The following CLNS1A variants were observed in gnomAD, a reference collection of about 807,000 sequenced individuals.
CLNS1A encodes methylosome subunit pICln.
CLNS1A carries 16 observed loss-of-function variants against 29.4 expected under a neutral mutation model. That is an observed-to-expected ratio of 0.54 (90% CI 0.37 to 0.83). The LOEUF is 0.83. Among genes scored for constraint, CLNS1A ranks in the 40% least tolerant of loss-of-function variants. The pLI is 0.00. For missense variants in CLNS1A, 235 were observed against 287.4 expected (o/e 0.82, Z 1.32); for synonymous variants, 96 against 104.8 (o/e 0.92, Z 0.51).
chr11:77,625,039 G>A lies in CLNS1A; in HGVS notation c.396C>T (p.Cys132=). ...LEAMFTAMCE[C]QALHPDPEDE... ...CCTCAGGATCTGGATGCAAGGCCTG[G>A]CATTCGCACATTGCAGTGAACATTG... Residue 132 remains cysteine (C), a synonymous_variant, in exon 4 of 7, where the codon TGC becomes TGT. Coordinates refer to ENST00000525428, the MANE Select transcript of CLNS1A (RefSeq NM_001293.3). 1.2e-6 allele frequency: 2 copies of A among 1,613,518 alleles called. No individual in the cohort carries two copies. Among genetic ancestry groups the A allele is most frequent in the Non-Finnish European group, 1.7e-6 (2 of 1,179,626 alleles).
intron 4 of CLNS1A, among the ~76,000 whole-genome samples, chr11:77,624,516 C>T (rs1958995594): frequency 6.6e-6 from 1 of 152,060 alleles, no homozygotes; most frequent in African/African-American, 2.4e-5. Context: ...CCGTGTCATT[C>T]TATTTTAATA....
At position 77,615,524 on chromosome 11, in the gene CLNS1A, T is replaced by G. The variant is rs901703530; in HGVS notation, c.*1194A>C. The G allele has an allele frequency of 2.0e-5, 3 of 152,208 alleles. No homozygotes were observed. The highest frequency in any genetic ancestry group is 2.9e-5 in the Non-Finnish European group (2 of 68,036). The allele number at this position is 152,208 out of a possible 1,614,324, so 9.4% of individuals were successfully genotyped here. A position where few individuals can be genotyped will look rare whatever the true frequency, so the allele number is the denominator to read the frequency against. ...GTATCTCATAAGATAATTAAGAATA[T>G]TATAATACATAATAAAGAACTCAGG... On this transcript the variant is annotated 3_prime_UTR_variant, in exon 7 of 7. Coordinates refer to ENST00000525428, the MANE Select transcript of CLNS1A (RefSeq NM_001293.3).
rs759233793 is a variant in CLNS1A at position 77,619,675 on chromosome 11, T to G, written c.667A>C (p.Thr223Pro). 9 of 1,613,780 alleles carry G rather than the reference T, an allele frequency of 5.6e-6. No homozygotes were observed. In the South Asian group the frequency reaches 9.9e-5, roughly 18 times the overall value. Reference sequence around the variant, plus strand: ...TCAAACTGTCCAGCAACTGTTGGTGTGGTATCCACCTCCATCCCATCTAAA... The same window carrying G: ...TCAAACTGTCCAGCAACTGTTGGTGGGGTATCCACCTCCATCCCATCTAAA... ...DYEDGMEVDTTPTVAGQFEDA... is the reference protein window; with the variant it reads ...DYEDGMEVDTPPTVAGQFEDA... Residue 223 changes from threonine (T) to proline (P), a missense_variant, in exon 6 of 7, where the codon ACA becomes CCA. Transcript: ENST00000525428.
chr11:77,621,937 G>C, intron 5 of CLNS1A: 1 of 456,078 alleles, frequency 2.2e-6, no homozygotes, highest in South Asian at 1.5e-5. Context: ...ACTCTTCTCT[G>C]GGTCTCCAGT....
At chr11:77,627,676 C>T (rs1053074241) in intron 2 of CLNS1A, among the ~76,000 whole-genome samples, 2 of 152,134 alleles carry the variant, frequency 1.3e-5, no homozygotes, top group African/African-American at 4.8e-5. Flanking sequence ...AGAGCATTTG[C>T]ATTTTAAACA....
intron 2 of CLNS1A, 129 bp downstream of exon 2, chr11:77,629,634 T>C (rs1590801606): frequency 1.4e-6 from 1 of 739,974 alleles, no homozygotes; most frequent in Non-Finnish European, 2.1e-6. Flanking sequence ...GACCTTGTGA[T>C]CCGCCCGCCT....
rs530810907 is a variant in CLNS1A, at chr11:77,634,907, A to T, written c.125+2683T>A. On this transcript the variant is annotated intron_variant, in intron 1 of 6. Coordinates refer to ENST00000525428, the MANE Select transcript of CLNS1A (RefSeq NM_001293.3). Reference sequence around the variant, plus strand: ...CTGCCCAGGCTCAAGTAATCCTCCCACCTCAGCTCCCCATAGTAACTGCCA... The same window carrying T: ...CTGCCCAGGCTCAAGTAATCCTCCCTCCTCAGCTCCCCATAGTAACTGCCA... Among the ~76,000 whole-genome samples, 14 of 151,938 alleles carry T rather than the reference A, an allele frequency of 9.2e-5. No individual in the cohort carries two copies. The South Asian group carries it at 2.9e-3, about 32-fold the overall frequency.
intron 6 of CLNS1A, among the ~76,000 whole-genome samples, chr11:77,618,235 A>G (rs1958923879): frequency 6.6e-6 from 1 of 152,224 alleles, no homozygotes; most frequent in Admixed American, 6.5e-5. Context: ...AATTGCAATA[A>G]AACAGTTACT....
At position 77,615,556 on chromosome 11, in the gene CLNS1A, G is replaced by A. The variant is rs1958900007; in HGVS notation, c.*1162C>T. ...ACATAATAAAGAACTCAGGACAGTG[G>A]CTAGTACAGAGGTCTCAGTAAATTT... is the stretch of plus-strand genomic sequence containing the variant. On this transcript the variant is annotated 3_prime_UTR_variant, in exon 7 of 7. Coordinates refer to ENST00000525428, the MANE Select transcript of CLNS1A (RefSeq NM_001293.3). The A allele has an allele frequency of 6.6e-6, 1 of 152,164 alleles. No homozygotes were observed. Among genetic ancestry groups the A allele is most frequent in the Admixed American group, 6.5e-5 (1 of 15,278 alleles). 9.4% of individuals were successfully genotyped at this position (152,164 alleles called of 1,614,324 possible). A position where few individuals can be genotyped will look rare whatever the true frequency, so the allele number is the denominator to read the frequency against.
At chr11:77,625,688 G>A in intron 3 of CLNS1A, 29 bp downstream of exon 3, 1 of 1,587,010 alleles carries the variant, frequency 6.3e-7, no homozygotes, top group Non-Finnish European at 8.6e-7. Flanking sequence ...TATGTAAAAG[G>A]GGAAGAATCA....
At chr11:77,624,823 A>AAAT (rs142648312) in intron 4 of CLNS1A, 140 bp downstream of exon 4, 2 of 541,018 alleles carry the variant, frequency 3.7e-6, no homozygotes, top group Non-Finnish European at 3.2e-6. Flanking sequence ...TCCATCTCAA[A>AAAT]AATAATAATA....
intron 4 of CLNS1A, 75 bp downstream of exon 4, chr11:77,624,888 C>T (rs1959000136): frequency 1.1e-6 from 1 of 880,084 alleles, no homozygotes; most frequent in South Asian, 1.5e-5. Context: ...TAATCCTCTA[C>T]CCTTAATACA....
intron 1 of CLNS1A, among the ~76,000 whole-genome samples, chr11:77,635,266 C>T (rs1959113126): frequency 6.6e-6 from 1 of 151,646 alleles, no homozygotes; most frequent in South Asian, 2.1e-4. Flanking sequence ...AAAACAGAGA[C>T]ATAAACATGG....
intron 1 of CLNS1A, among the ~76,000 whole-genome samples, chr11:77,630,546 G>A (rs1959063703): frequency 1.3e-5 from 2 of 152,164 alleles, no homozygotes; most frequent in African/African-American, 4.8e-5. Context: ...TACCCTGAGA[G>A]ACAGATTCCC....
intron 1 of CLNS1A, 63 bp downstream of exon 1, chr11:77,637,527 G>A (rs1026516242): frequency 3.3e-6 from 5 of 1,515,146 alleles, no homozygotes; most frequent in Non-Finnish European, 4.4e-6. Flanking sequence ...CCTTCGCACC[G>A]CCTGCTCCAG....
At chr11:77,630,878 T>G (rs1590802553) in intron 1 of CLNS1A, among the ~76,000 whole-genome samples, 1 of 152,114 alleles carries the variant, frequency 6.6e-6, no homozygotes. Flanking sequence ...CTTTTTGGGG[T>G]GAAGAAAATA....
chr11:77,625,209 T>C, intron 3 of CLNS1A, 139 bp from the exon 4 acceptor site: 1 of 627,096 alleles, frequency 1.6e-6, no homozygotes, highest in South Asian at 2.0e-5. Context: ...TGAAAGCGGT[T>C]GAAGCAAAAG....
intron 1 of CLNS1A, 66 bp downstream of exon 1, chr11:77,637,522 GCA>G: frequency 6.7e-7 from 1 of 1,502,902 alleles, no homozygotes. Context: ...CGGCTCCTTC[GCA>G]CCGCCTGCTC....
chr11:77,621,167 T>C (rs1958953831), intron 5 of CLNS1A, among the ~76,000 whole-genome samples: 1 of 151,646 alleles, frequency 6.6e-6, no homozygotes, highest in Admixed American at 6.6e-5. Context: ...ACGATAGTAG[T>C]GGGTAATCCC....
Sources: gnomAD v4.1 joint callset for allele counts (sites outside exome capture counted in the v4.1 genomes callset) on GRCh38, gnomAD v4.1.1 for gene constraint, MANE v1.5 for transcripts, NCBI Gene and HGNC (gene_info 2026-07-23, HGNC 2026-07-21) for gene names.